TIAM1: variants seen among roughly 807,000 people sequenced by gnomAD.
TIAM1 encodes rho guanine nucleotide exchange factor TIAM1.
TIAM1 carries 65 observed loss-of-function variants against 163.5 expected under a neutral mutation model. That is an observed-to-expected ratio of 0.40 (90% CI 0.33 to 0.49). TIAM1 has a LOEUF of 0.49. Among genes scored for constraint, TIAM1 ranks in the 20% least tolerant of loss-of-function variants. The pLI, the probability that TIAM1 is intolerant of heterozygous loss-of-function variation, is 0.77. For synonymous variants in TIAM1, 833 were observed against 810.1 expected (o/e 1.03, Z -0.48); for missense variants, 1,789 against 2,044.7 (o/e 0.87, Z 2.41).
chr21:31,537,291 G>T (rs879556661), intron 1 of TIAM1, among the ~76,000 whole-genome samples: 67 of 152,128 alleles, frequency 4.4e-4, no homozygotes, highest in Non-Finnish European at 7.2e-4. Context: ...GCTGAACATA[G>T]GTCAAGGGTC....
chr21:31,202,886 T>G, intron 12 of TIAM1, 22 bp downstream of exon 12: 1 of 1,596,616 alleles, frequency 6.3e-7, no homozygotes, highest in Non-Finnish European at 8.6e-7. Context: ...AAAGTGTGCT[T>G]GGACAACAGT....
At chr21:31,297,611 C>T (rs1364140409) in intron 2 of TIAM1, among the ~76,000 whole-genome samples, 8 of 152,078 alleles carry the variant, frequency 5.3e-5, no homozygotes, top group South Asian at 2.1e-4. Context: ...TTCGAACTCC[C>T]GACCTCAGGT....
intron 2 of TIAM1, among the ~76,000 whole-genome samples, chr21:31,308,877 G>T (rs1487010453): frequency 6.6e-6 from 1 of 152,160 alleles, no homozygotes; most frequent in Non-Finnish European, 1.5e-5. Flanking sequence ...TTGGTTATCT[G>T]GTTTGACAGC....
intron 1 of TIAM1, among the ~76,000 whole-genome samples, chr21:31,486,216 C>T (rs941360120): frequency 6.6e-6 from 1 of 152,192 alleles, no homozygotes; most frequent in African/African-American, 2.4e-5. Context: ...CCCAGCCATC[C>T]AGCACTGGAA....
In TIAM1 at chr21:31,521,507, G is replaced by A. The variant is rs184114300; in HGVS notation, c.-422+37420C>T. 2.3e-3 allele frequency among the ~76,000 whole-genome samples: 346 copies of A among 152,212 alleles called. 3 individuals are homozygous for A. The highest frequency in any genetic ancestry group is 2.9e-3 in the South Asian group (14 of 4,824). On this transcript the variant is annotated intron_variant, in intron 1 of 28. Coordinates refer to the TIAM1 transcript ENST00000286827. ...TCCCAGTGATTTGGTAGGTGGAGGC[G>A]GGAGGATCACATGAGGCTAGGAGTT...
chr21:31,212,621 T>TTTG (rs1254088858), intron 10 of TIAM1: 1 of 146,986 alleles, frequency 6.8e-6, no homozygotes, highest in Non-Finnish European at 1.5e-5. Flanking sequence ...TTTTTTTTTT[T>TTTG]TTTTTTTTTG....
chr21:31,525,226 A>G (rs1387003998), intron 1 of TIAM1, among the ~76,000 whole-genome samples: 10 of 151,918 alleles, frequency 6.6e-5, no homozygotes, highest in Admixed American at 2.0e-4. Flanking sequence ...AAAATTAGCC[A>G]GGCATGGTGG....
In TIAM1 at chr21:31,533,003, G is replaced by T. The variant is rs564533292; in HGVS notation, c.-422+25924C>A. On this transcript the variant is annotated intron_variant, in intron 1 of 28. Coordinates refer to the TIAM1 transcript ENST00000286827. ...AGATAGGTGGACAGCCTTTCTCTAG[G>T]CCAGGGGAAAACATAATTTTAAATT... 2.0e-5 allele frequency among the ~76,000 whole-genome samples: 3 copies of T among 152,268 alleles called. No individual in the cohort carries two copies. In the South Asian group the frequency reaches 6.2e-4, roughly 32 times the overall value.
At chr21:31,173,187 A>T (rs1268910462) in intron 15 of TIAM1, among the ~76,000 whole-genome samples, 3 of 152,184 alleles carry the variant, frequency 2.0e-5, no homozygotes, top group Non-Finnish European at 4.4e-5. Context: ...TGGCCTCGTG[A>T]GATGTCTTAA....
chr21:31,121,639 A>G (rs553043250), intron 27 of TIAM1, among the ~76,000 whole-genome samples: 4 of 152,322 alleles, frequency 2.6e-5, no homozygotes, highest in African/African-American at 4.8e-5. Flanking sequence ...AGCAATTAAC[A>G]TATCAGTGCC....
chr21:31,129,788 C>G (rs1446885613), intron 25 of TIAM1, among the ~76,000 whole-genome samples: 5 of 152,062 alleles, frequency 3.3e-5, no homozygotes, highest in South Asian at 2.1e-4. Context: ...CTTTTTAGTG[C>G]TTTTGGTGGT....
intron 2 of TIAM1, among the ~76,000 whole-genome samples, chr21:31,285,807 G>C (rs2073786444): frequency 6.6e-6 from 1 of 152,136 alleles, no homozygotes; most frequent in Non-Finnish European, 1.5e-5. Context: ...GCTGCAGTGA[G>C]CGAAGATCAC....
chr21:31,452,952 G>A, intron 2 of TIAM1: 1 of 515,600 alleles, frequency 1.9e-6, no homozygotes. Flanking sequence ...GTTCTACAAA[G>A]GTGAACTCAG....
chr21:31,443,582 T>C (rs1249608405), intron 2 of TIAM1, among the ~76,000 whole-genome samples: 2 of 152,114 alleles, frequency 1.3e-5, no homozygotes, highest in Non-Finnish European at 2.9e-5. Context: ...CAAGGACCAG[T>C]TTAAATGCCC....
rs1569068561 is a variant in TIAM1 at position 31,228,223 on chromosome 21, A to T, written c.1585-2273T>A. The stretch of plus-strand genomic sequence containing the variant: ...ACCATGCCCGGCCTCCTTTTTTTAA[A>T]AAAAAAAAAAAAAAAAAAAAAAAAA... On this transcript the variant is annotated intron_variant, in intron 6 of 27. Transcript: ENST00000541036. Among the ~76,000 whole-genome samples, 348 of 61,552 alleles carry T rather than the reference A, an allele frequency of 5.7e-3. 22 individuals are homozygous for T. The highest frequency in any genetic ancestry group is 0.027 in the East Asian group (64 of 2,368). 40.4% of individuals were successfully genotyped at this position (61,552 alleles called of 152,430 possible).
intron 26 of TIAM1, 88 bp downstream of exon 26, chr21:31,126,977 C>T: frequency 7.5e-7 from 1 of 1,327,962 alleles, no homozygotes; most frequent in South Asian, 1.2e-5. Context: ...AAACAACGTA[C>T]CAAACACCAG....
chr21:31,122,108 T>C (rs1051032009), intron 27 of TIAM1, among the ~76,000 whole-genome samples: 2 of 152,296 alleles, frequency 1.3e-5, no homozygotes, highest in African/African-American at 4.8e-5. Context: ...AGGGGCTGAA[T>C]TGGCTCTCAT....
intron 3 of TIAM1, among the ~76,000 whole-genome samples, chr21:31,268,702 G>C (rs2072909687): frequency 1.3e-5 from 2 of 152,140 alleles, no homozygotes; most frequent in South Asian, 4.1e-4. Flanking sequence ...GTATCTTTAA[G>C]AAGCAAGAAA....
rs35555743 is a variant in TIAM1, at chr21:31,219,024, CTTTTTTTTTTTTT to C, written c.1996-1338_1996-1326del. Reference sequence around the variant, plus strand: ...TGCCAGCAACCCAGAGAAGCATTTCCTTTTTTTTTTTTTTTTTTTTTTTTTTTGACGGAGTCTC... The same window carrying C: ...TGCCAGCAACCCAGAGAAGCATTTCCTTTTTTTTTTTTTTGACGGAGTCTC... On this transcript the variant is annotated intron_variant, in intron 8 of 27. Transcript: ENST00000541036. Among the ~76,000 whole-genome samples the C allele has an allele frequency of 1.8e-3, 156 of 88,530 alleles. 1 individual carries two copies. The highest frequency in any genetic ancestry group is 5.2e-3 in the African/African-American group (135 of 26,090). The allele number at this position is 88,530 out of a possible 152,430, so 58.1% of individuals were successfully genotyped here. A position where few individuals can be genotyped will look rare whatever the true frequency, so the allele number is the denominator to read the frequency against.
Sources: allele counts gnomAD v4.1 joint callset (sites outside exome capture counted in the v4.1 genomes callset), GRCh38; gene constraint gnomAD v4.1.1; transcripts MANE v1.5; gene names NCBI Gene and HGNC (gene_info 2026-07-23, HGNC 2026-07-21).